Variants in WWOX observed in about 807,000 individuals in gnomAD.
The protein encoded by WWOX is WW domain containing oxidoreductase.
A neutral mutation model predicts 46.2 loss-of-function variants in WWOX; 69 were observed. That is an observed-to-expected ratio of 1.49 (90% CI 1.23 to 1.82). WWOX has a LOEUF of 1.82. WWOX is among the 40% of genes most tolerant of loss of function. WWOX has a pLI of 0.00. For synonymous variants in WWOX, 359 were observed against 202.6 expected (o/e 1.77, Z -6.56); for missense variants, 919 against 542.6 (o/e 1.69, Z -6.89).
chr16:78,613,727 TC>T (rs2045954051), intron 8 of WWOX, among the ~76,000 whole-genome samples: 2 of 152,312 alleles, frequency 1.3e-5, no homozygotes, highest in South Asian at 4.1e-4. Context: ...GAACGAACTT[TC>T]CAGCCGAGAA....
chr16:79,146,657 G>A (rs1347842527), intron 8 of WWOX, among the ~76,000 whole-genome samples: 1 of 152,132 alleles, frequency 6.6e-6, no homozygotes, highest in Non-Finnish European at 1.5e-5. Context: ...GAGAATTAAG[G>A]TTCATTCACT....
chr16:78,571,425 A>G (rs1484818801), intron 8 of WWOX, among the ~76,000 whole-genome samples: 1 of 151,940 alleles, frequency 6.6e-6, no homozygotes, highest in Non-Finnish European at 1.5e-5. Context: ...TTGACACATT[A>G]TGTTTTAACT....
intron 8 of WWOX, among the ~76,000 whole-genome samples, chr16:78,670,546 G>A (rs939187645): frequency 9.9e-5 from 15 of 152,070 alleles, no homozygotes; most frequent in Admixed American, 7.9e-4. Context: ...AGGCTTCAGA[G>A]TCCAGCCAGC....
intron 8 of WWOX, among the ~76,000 whole-genome samples, chr16:79,107,051 T>C (rs1185406627): frequency 2.0e-5 from 3 of 152,138 alleles, no homozygotes; most frequent in Non-Finnish European, 4.4e-5. Flanking sequence ...CCTCAGGTGA[T>C]GCACCCACCT....
chr16:78,810,443 C>T (rs955251466), intron 8 of WWOX, among the ~76,000 whole-genome samples: 8 of 152,188 alleles, frequency 5.3e-5, no homozygotes, highest in African/African-American at 9.7e-5. Context: ...TCAAATATTA[C>T]ATGTCAACTC....
Position 79,211,919 on chromosome 16 carries a change from AG to A in WWOX, c.*124del. On this transcript the variant is annotated 3_prime_UTR_variant, in exon 9 of 9. Transcript: ENST00000566780. ...GATCCGCAAGAGTAAAGGAAATAAG[AG>A]CAGTCACAACAGAGTGAAAAATCTT... 3 of 1,543,664 alleles carry A rather than the reference AG, an allele frequency of 1.9e-6. No individual in the cohort carries two copies. Among genetic ancestry groups the A allele is most frequent in the Non-Finnish European group, 2.6e-6 (3 of 1,149,134 alleles).
intron 4 of WWOX, among the ~76,000 whole-genome samples, chr16:78,138,220 C>G (rs1483458359): frequency 6.6e-6 from 1 of 150,906 alleles, no homozygotes; most frequent in Non-Finnish European, 1.5e-5. Context: ...TTGCTGACAG[C>G]ACAGTCTGCT....
At chr16:78,299,716 A>G (rs1314126976) in intron 5 of WWOX, among the ~76,000 whole-genome samples, 1 of 151,742 alleles carries the variant, frequency 6.6e-6, no homozygotes, top group African/African-American at 2.4e-5. Context: ...TTTAGTAGAG[A>G]TGGGGTTTTG....
chr16:78,626,071 A>G (rs994200526), intron 8 of WWOX, among the ~76,000 whole-genome samples: 1 of 151,882 alleles, frequency 6.6e-6, no homozygotes, highest in Non-Finnish European at 1.5e-5. Flanking sequence ...GTTTTTAAAA[A>G]ATTTTTTACC....
intron 8 of WWOX, among the ~76,000 whole-genome samples, chr16:78,826,820 C>T (rs746002087): frequency 6.6e-6 from 1 of 152,180 alleles, no homozygotes; most frequent in African/African-American, 2.4e-5. Flanking sequence ...ACAGCCACCC[C>T]TCTCACCAGC....
intron 8 of WWOX, among the ~76,000 whole-genome samples, chr16:78,663,121 C>G (rs949621843): frequency 2.6e-5 from 4 of 152,054 alleles, no homozygotes; most frequent in African/African-American, 9.7e-5. Context: ...TTTATCACCC[C>G]TAAAAGAAAC....
chr16:78,173,946 G>C (rs974998273), intron 5 of WWOX, among the ~76,000 whole-genome samples: 1 of 151,160 alleles, frequency 6.6e-6, no homozygotes, highest in African/African-American at 2.4e-5. Context: ...ATGGTGGAGA[G>C]CTGAGAGGAA....
At chr16:79,149,408 T>A (rs1047547980) in intron 8 of WWOX, among the ~76,000 whole-genome samples, 2 of 152,228 alleles carry the variant, frequency 1.3e-5, no homozygotes, top group Non-Finnish European at 2.9e-5. Flanking sequence ...TATGTTTTTT[T>A]ATACATTGTT....
chr16:78,335,203 G>C (rs1037051224), intron 5 of WWOX, among the ~76,000 whole-genome samples: 5 of 152,092 alleles, frequency 3.3e-5, no homozygotes, highest in Admixed American at 3.3e-4. Flanking sequence ...CATCTGCCAC[G>C]GTGGTTTGCT....
intron 8 of WWOX, among the ~76,000 whole-genome samples, chr16:78,611,068 A>G (rs1285267589): frequency 6.6e-6 from 1 of 152,236 alleles, no homozygotes; most frequent in Non-Finnish European, 1.5e-5. Context: ...ATTGAGTTTA[A>G]CAAGTAAATG....
intron 8 of WWOX, chr16:79,101,032 G>A (rs1008962281): frequency 3.9e-5 from 6 of 152,946 alleles, no homozygotes; most frequent in African/African-American, 1.4e-4. Context: ...GGGAACCCAG[G>A]ACCCAGGACC....
chr16:78,220,578 G>T (rs766651455), intron 5 of WWOX, among the ~76,000 whole-genome samples: 2 of 152,032 alleles, frequency 1.3e-5, no homozygotes, highest in Non-Finnish European at 2.9e-5. Flanking sequence ...TTTAGCTTGG[G>T]TATTAACCTT....
At chr16:79,133,020 A>AT in intron 8 of WWOX, among the ~76,000 whole-genome samples, 1 of 152,156 alleles carries the variant, frequency 6.6e-6, no homozygotes, top group African/African-American at 2.4e-5. Context: ...GCTCTGTGAG[A>AT]TTTTCCTTCT....
chr16:78,471,024 A>T (rs2084207482), intron 8 of WWOX, among the ~76,000 whole-genome samples: 1 of 152,166 alleles, frequency 6.6e-6, no homozygotes, highest in African/African-American at 2.4e-5. Flanking sequence ...CTTTCTATAA[A>T]ATGGTGTGGC....
Sources: allele counts gnomAD v4.1 joint callset (sites outside exome capture counted in the v4.1 genomes callset), GRCh38; gene constraint gnomAD v4.1.1; transcripts MANE v1.5; gene names NCBI Gene and HGNC (gene_info 2026-07-23, HGNC 2026-07-21).